Variants in TRIB2 observed in about 807,000 individuals in gnomAD.
The protein encoded by TRIB2 is tribbles pseudokinase 2, also known as tribbles homolog 2.
A neutral mutation model predicts 26.8 loss-of-function variants in TRIB2; 2 were observed. The ratio of observed to expected loss-of-function variants is 0.07; its 90% CI spans 0.03 to 0.24. The LOEUF (loss-of-function observed/expected upper bound fraction) is 0.24. TRIB2 is among the 10% of genes least tolerant of loss of function. TRIB2 has a pLI of 1.00. For synonymous variants in TRIB2, 189 were observed against 187.3 expected (o/e 1.01, Z -0.08); for missense variants, 306 against 449.0 (o/e 0.68, Z 2.88).
chr2:12,740,953 C>A lies in TRIB2; in HGVS notation c.*159C>A. 1 of 689,892 alleles carries A rather than the reference C, an allele frequency of 1.4e-6. No individual in the cohort carries two copies. The highest frequency in any genetic ancestry group is 2.4e-6 in the Non-Finnish European group (1 of 419,154). 42.7% of individuals were successfully genotyped at this position (689,892 alleles called of 1,614,324 possible). A position where few individuals can be genotyped will look rare whatever the true frequency, so the allele number is the denominator to read the frequency against. On this transcript the variant is annotated 3_prime_UTR_variant, in exon 3 of 3. Coordinates refer to ENST00000155926, the MANE Select transcript of TRIB2 (RefSeq NM_021643.4). This position sits in a 1 kb window ranked among gnomAD's most constrained non-coding sequence, Gnocchi z 5.8. ...GAAAACCTTCAAGGAGCTGACTGAC[C>A]ACGTAGCATGGGGGCAAGAGGCGTG...
At chr2:12,727,554 G>T (rs902506282) in intron 2 of TRIB2, among the ~76,000 whole-genome samples, 3 of 152,304 alleles carry the variant, frequency 2.0e-5, no homozygotes, top group Non-Finnish European at 2.9e-5. Context: ...ATGTGCACTG[G>T]AGTAGGCGGC....
chr2:12,731,581 TACAA>T (rs1278452465), intron 2 of TRIB2, among the ~76,000 whole-genome samples: 1 of 152,176 alleles, frequency 6.6e-6, no homozygotes, highest in African/African-American at 2.4e-5. Context: ...CTTTTATCTT[TACAA>T]ACAATGAGGA....
rs1666661013 is a variant in TRIB2 at position 12,718,858 on chromosome 2, A to T, written c.270+281A>T. On this transcript the variant is annotated intron_variant, in intron 1 of 2. Coordinates refer to ENST00000155926, the MANE Select transcript of TRIB2 (RefSeq NM_021643.4). This position sits in a 1 kb window ranked among gnomAD's most constrained non-coding sequence, Gnocchi z 4.0. ...CGGACACGCGTGCACCGAAGGCTCC[A>T]GGAGCTCTCTGCGCGAGGCCGGGTC... 6.6e-6 allele frequency among the ~76,000 whole-genome samples: 1 copy of T among 152,110 alleles called. No homozygotes were observed. The highest frequency in any genetic ancestry group is 2.1e-4 in the South Asian group (1 of 4,824).
intron 2 of TRIB2, among the ~76,000 whole-genome samples, chr2:12,734,047 G>A (rs969766033): frequency 1.3e-5 from 2 of 152,116 alleles, no homozygotes; most frequent in Non-Finnish European, 2.9e-5. Context: ...GGCTGCCCAC[G>A]TGTAAGCCTT....
intron 2 of TRIB2, chr2:12,724,818 T>A (rs773280939): frequency 1.2e-6 from 2 of 1,611,860 alleles, no homozygotes; most frequent in African/African-American, 2.7e-5. Context: ...TGTATGTGCT[T>A]CTTTGAATAT....
At chr2:12,721,743 C>G (rs1661225575) in intron 1 of TRIB2, among the ~76,000 whole-genome samples, 1 of 152,186 alleles carries the variant, frequency 6.6e-6, no homozygotes, top group Non-Finnish European at 1.5e-5. Flanking sequence ...TTACTGTTAA[C>G]TTTGCTTCCT....
rs938044166 is a variant in TRIB2 at position 12,718,239 on chromosome 2, G to C, written c.-69G>C. 11 of 1,559,438 alleles carry C rather than the reference G, an allele frequency of 7.1e-6. No homozygotes were observed. In the African/African-American group the frequency reaches 1.5e-4, roughly 21 times the overall value. ...AATCAGTGGCACCGAGGCGCCTGCA[G>C]CCGCACTCGCCAGCGACTCATCTCT... On this transcript the variant is annotated 5_prime_UTR_variant, in exon 1 of 3. Transcript: ENST00000155926. This position sits in a 1 kb window ranked among gnomAD's most constrained non-coding sequence, Gnocchi z 4.0.
chr2:12,724,373 C>A (rs1401447089), intron 2 of TRIB2, among the ~76,000 whole-genome samples: 1 of 152,220 alleles, frequency 6.6e-6, no homozygotes, highest in Non-Finnish European at 1.5e-5. Context: ...CTTTCTCTCC[C>A]AGCCGATTTT....
At position 12,717,180 on chromosome 2, in the gene TRIB2, C is replaced by A. The variant is rs1666610108; in HGVS notation, c.-1128C>A. 2.5e-6 allele frequency: 1 copy of A among 393,562 alleles called. No individual in the cohort carries two copies. The highest frequency in any genetic ancestry group is 4.5e-6 in the Non-Finnish European group (1 of 223,432). 24.4% of individuals were successfully genotyped at this position (393,562 alleles called of 1,614,324 possible). ...AAGGAGGAGACAAGCCGTCAATTTT[C>A]TCCAAAACAAACCCCACCGGGCAAT... On this transcript the variant is annotated 5_prime_UTR_variant, in exon 1 of 3. Transcript: ENST00000155926. The surrounding 1 kb of genome is among the most constrained non-coding windows in gnomAD (Gnocchi z 4.8).
chr2:12,735,571 A>G (rs768420833), intron 2 of TRIB2, among the ~76,000 whole-genome samples: 10 of 152,142 alleles, frequency 6.6e-5, no homozygotes, highest in Non-Finnish European at 7.3e-5. Context: ...TGTCCATGAG[A>G]AAAGGAATCA....
intron 2 of TRIB2, among the ~76,000 whole-genome samples, chr2:12,730,808 G>A (rs1211164758): frequency 6.6e-6 from 1 of 152,172 alleles, no homozygotes; most frequent in African/African-American, 2.4e-5. Flanking sequence ...GAATGCAGTG[G>A]ATGGAAACTC....
rs1661686582 is a variant in TRIB2, at chr2:12,740,322, G to T, written c.564-4G>T. The T allele has an allele frequency of 1.9e-6, 3 of 1,611,276 alleles. No homozygotes were observed. Among genetic ancestry groups the T allele is most frequent in the Non-Finnish European group, 2.5e-6 (3 of 1,177,832 alleles). On this transcript the variant is annotated splice_region_variant and splice_polypyrimidine_tract_variant and intron_variant, in intron 2 of 2. Transcript: ENST00000155926. The surrounding 1 kb of genome is among the most constrained non-coding windows in gnomAD (Gnocchi z 5.8). Reference sequence around the variant, plus strand: ...GGAGCTTATGTTTTCCTCCTTTCTTGCAGGACTCGGGTCAAGCTGGAAAGC... The same window carrying T: ...GGAGCTTATGTTTTCCTCCTTTCTTTCAGGACTCGGGTCAAGCTGGAAAGC...
At position 12,725,849 on chromosome 2, in the gene TRIB2, A is replaced by G. The variant is rs74438852; in HGVS notation, c.563+2297A>G. On this transcript the variant is annotated intron_variant, in intron 2 of 2. Transcript: ENST00000155926. ...CCTACAGCATGGTGGCATGTGTGATAGCCCCTTTGGCCATGCAGCCGTGTT... is the reference window on the plus strand; with the variant it reads ...CCTACAGCATGGTGGCATGTGTGATGGCCCCTTTGGCCATGCAGCCGTGTT... Among the ~76,000 whole-genome samples, 914 of 152,350 alleles carry G rather than the reference A, an allele frequency of 6.0e-3. 6 individuals are homozygous for G. The highest frequency in any genetic ancestry group is 0.01 in the Non-Finnish European group (698 of 68,034).
rs1033165327 is a variant in TRIB2 at position 12,717,922 on chromosome 2, C to T, written c.-386C>T. On this transcript the variant is annotated 5_prime_UTR_variant, in exon 1 of 3. Coordinates refer to ENST00000155926, the MANE Select transcript of TRIB2 (RefSeq NM_021643.4). This position sits in a 1 kb window ranked among gnomAD's most constrained non-coding sequence, Gnocchi z 4.8. ...TCCGCCCCGTCTGCGATTCGGAAGC[C>T]GGCCTGGGGGTCGCGTCGGGAGCCC... 1.0e-4 allele frequency: 25 copies of T among 244,060 alleles called. No individual in the cohort carries two copies. Among genetic ancestry groups the T allele is most frequent in the African/African-American group, 4.9e-4 (22 of 44,726 alleles). 15.1% of individuals were successfully genotyped at this position (244,060 alleles called of 1,614,324 possible).
intron 2 of TRIB2, among the ~76,000 whole-genome samples, chr2:12,727,700 A>G (rs1572480896): frequency 6.6e-6 from 1 of 152,178 alleles, no homozygotes; most frequent in East Asian, 1.9e-4. Context: ...CTTTTTGTTT[A>G]TACTGCTGAA....
rs570625869 is a variant in TRIB2 at position 12,732,264 on chromosome 2, G to C, written c.564-8062G>C. ...AGGGCAGGGATTCCGTCGTGGCCGG[G>C]TAGATGGCACTGCAGAAAACCCCTG... On this transcript the variant is annotated intron_variant, in intron 2 of 2. Transcript: ENST00000155926. The surrounding 1 kb of genome is among the most constrained non-coding windows in gnomAD (Gnocchi z 4.2). 2.0e-5 allele frequency among the ~76,000 whole-genome samples: 3 copies of C among 152,284 alleles called. No individual in the cohort carries two copies. The highest frequency in any genetic ancestry group is 7.2e-5 in the African/African-American group (3 of 41,560).
At chr2:12,722,063 G>GT (rs1351612237) in intron 1 of TRIB2, among the ~76,000 whole-genome samples, 22 of 152,180 alleles carry the variant, frequency 1.4e-4, no homozygotes, top group African/African-American at 4.6e-4. Context: ...GGGAGGTCCA[G>GT]TAACCCTAAG....
At chr2:12,721,868 G>A (rs1370192064) in intron 1 of TRIB2, among the ~76,000 whole-genome samples, 1 of 152,204 alleles carries the variant, frequency 6.6e-6, no homozygotes, top group African/African-American at 2.4e-5. Context: ...ATAGCAGTCT[G>A]TGGCTTTGGA....
At position 12,718,640 on chromosome 2, in the gene TRIB2, G is replaced by T; in HGVS notation, c.270+63G>T. On this transcript the variant is annotated intron_variant, in intron 1 of 2. Coordinates refer to ENST00000155926, the MANE Select transcript of TRIB2 (RefSeq NM_021643.4). The surrounding 1 kb of genome is among the most constrained non-coding windows in gnomAD (Gnocchi z 4.0). ...GGCCCGAGGGAGCGGGAGGGCGCCA[G>T]GCCCTCGAGTCTGGGAGAGGGAGAT... 1 of 1,575,308 alleles carries T rather than the reference G, an allele frequency of 6.3e-7. No individual in the cohort carries two copies. The highest frequency in any genetic ancestry group is 8.7e-7 in the Non-Finnish European group (1 of 1,155,980).
Sources: allele counts gnomAD v4.1 joint callset (sites outside exome capture counted in the v4.1 genomes callset), GRCh38; gene constraint gnomAD v4.1.1; non-coding constraint Gnocchi (gnomAD v3.1); transcripts MANE v1.5; gene names NCBI Gene and HGNC (gene_info 2026-07-23, HGNC 2026-07-21).